Variants in ZSCAN25 observed in about 807,000 individuals in gnomAD.
ZSCAN25 encodes the protein zinc finger and SCAN domain containing 25.
ZSCAN25 carries 27 observed loss-of-function variants against 38.7 expected under a neutral mutation model. That is an observed-to-expected ratio of 0.70 (90% confidence interval 0.51 to 0.96). The LOEUF (loss-of-function observed/expected upper bound fraction) is 0.96, where lower values mean the gene tolerates loss of function less well. ZSCAN25 is among the 40% of genes least tolerant of loss of function. The pLI, the probability that ZSCAN25 is intolerant of heterozygous loss-of-function variation, is 0.00. For synonymous variants in ZSCAN25, 273 were observed against 277.7 expected (o/e 0.98, Z 0.17); for missense variants, 637 against 705.9 (o/e 0.90, Z 1.11).
At chr7:99,653,956 C>T in the ZSCAN25 span, among the ~76,000 whole-genome samples, 2 of 152,182 alleles carry the variant, frequency 1.3e-5, no homozygotes, top group Non-Finnish European at 2.9e-5. The surrounding 1 kb of genome is among the most constrained non-coding windows in gnomAD (Gnocchi z 4.2). Context: ...CAGCCTCCAT[C>T]GCGCCCCCAG....
chr7:99,691,927 T>G, the ZSCAN25 span, among the ~76,000 whole-genome samples: 1 of 152,240 alleles, frequency 6.6e-6, no homozygotes, highest in African/African-American at 2.4e-5. Flanking sequence ...GTGAATTTGA[T>G]CCTGCAATTA....
chr7:99,631,880 A>T lies in ZSCAN25; in HGVS notation c.*1860A>T, dbSNP rs1370412714. 1 of 985,360 alleles carries T rather than the reference A, an allele frequency of 1.0e-6. No individual in the cohort carries two copies. Among genetic ancestry groups the T allele is most frequent in the Non-Finnish European group, 1.2e-6 (1 of 830,006 alleles). The allele number at this position is 985,360 out of a possible 1,614,324, so 61.0% of individuals were successfully genotyped here. ...GCTCCTCTGTAATACTGAGGTCCAC[A>T]TGCAAAATCAGCTTTTTTTCCCCCG... is the stretch of plus-strand genomic sequence containing the variant. On this transcript the variant is annotated 3_prime_UTR_variant, in exon 8 of 8. Coordinates refer to ENST00000394152, the MANE Select transcript of ZSCAN25 (RefSeq NM_145115.3).
chr7:99,689,742 G>C, the ZSCAN25 span, among the ~76,000 whole-genome samples: 1 of 152,126 alleles, frequency 6.6e-6, no homozygotes, highest in South Asian at 2.1e-4. Context: ...CACCTTACAA[G>C]GGATGTGAAG....
the ZSCAN25 span, chr7:99,658,868 T>C: frequency 1.9e-4 from 29 of 152,378 alleles, no homozygotes; most frequent in African/African-American, 5.8e-4. Context: ...TTCCAGTTGA[T>C]TGAATTGGCT....
At chr7:99,721,390 A>C in the ZSCAN25 span, among the ~76,000 whole-genome samples, 1 of 152,180 alleles carries the variant, frequency 6.6e-6, no homozygotes, top group Non-Finnish European at 1.5e-5. Flanking sequence ...GTTAAATCCA[A>C]AGTTGAAATG....
chr7:99,730,287 C>A, the ZSCAN25 span, among the ~76,000 whole-genome samples: 1 of 152,262 alleles, frequency 6.6e-6, no homozygotes, highest in African/African-American at 2.4e-5. Flanking sequence ...TGTGATTCTG[C>A]CTTTGTGTAA....
chr7:99,663,598 T>G, the ZSCAN25 span: 4 of 997,996 alleles, frequency 4.0e-6, no homozygotes, highest in Non-Finnish European at 4.8e-6. Flanking sequence ...GTCTTGGACT[T>G]AAAATGATTC....
chr7:99,645,875 T>C, the ZSCAN25 span, among the ~76,000 whole-genome samples: 999 of 152,326 alleles, frequency 6.6e-3, 18 homozygotes, highest in African/African-American at 0.021. Context: ...GCATTTCTTT[T>C]CCCCAGTCTG....
At chr7:99,643,031 G>A in the ZSCAN25 span, among the ~76,000 whole-genome samples, 1 of 152,122 alleles carries the variant, frequency 6.6e-6, no homozygotes, top group Non-Finnish European at 1.5e-5. Flanking sequence ...TTCCCCATTA[G>A]TGGTCCTTAA....
At chr7:99,648,351 A>G in the ZSCAN25 span, 384 of 1,612,178 alleles carry the variant, frequency 2.4e-4, 1 homozygote, top group East Asian at 8.0e-3. Flanking sequence ...CTTTAGAACA[A>G]TGGGTTTTTC....
the ZSCAN25 span, chr7:99,699,990 C>A: frequency 4.3e-6 from 7 of 1,611,878 alleles, no homozygotes; most frequent in Middle Eastern, 1.7e-4. Flanking sequence ...GGCTGACAGC[C>A]AGGAGAAGCC....
chr7:99,710,569 C>A, the ZSCAN25 span, among the ~76,000 whole-genome samples: 1 of 152,224 alleles, frequency 6.6e-6, no homozygotes, highest in Non-Finnish European at 1.5e-5. Context: ...CAATAGCAAC[C>A]ATTCCCTATG....
chr7:99,665,950 T>C, the ZSCAN25 span, among the ~76,000 whole-genome samples: 3,833 of 152,248 alleles, frequency 0.025, 167 homozygotes, highest in African/African-American at 0.088. Context: ...CTCTCCAACA[T>C]TGATTTGGAG....
the ZSCAN25 span, among the ~76,000 whole-genome samples, chr7:99,690,987 T>G: frequency 2.0e-5 from 3 of 152,208 alleles, no homozygotes; most frequent in Non-Finnish European, 4.4e-5. Context: ...TAAAGACACA[T>G]GCACACTTAT....
chr7:99,631,785 T>A lies in ZSCAN25; in HGVS notation c.*1765T>A. 4.1e-6 allele frequency: 4 copies of A among 985,490 alleles called. No homozygotes were observed. The highest frequency in any genetic ancestry group is 4.8e-6 in the Non-Finnish European group (4 of 829,956). 61.0% of individuals were successfully genotyped at this position (985,490 alleles called of 1,614,324 possible). ...ACGCTCCTTGGTCTTCCTGGCTCAT[T>A]AGCTGTGCCCACGAGGCTGCACTGA... On this transcript the variant is annotated 3_prime_UTR_variant, in exon 8 of 8. Coordinates refer to ENST00000394152, the MANE Select transcript of ZSCAN25 (RefSeq NM_145115.3).
At chr7:99,637,960 G>T in the ZSCAN25 span, among the ~76,000 whole-genome samples, 2 of 152,130 alleles carry the variant, frequency 1.3e-5, no homozygotes, top group African/African-American at 2.4e-5. Flanking sequence ...ACTTTACCAA[G>T]AACTGCTGTA....
chr7:99,640,876 G>A, the ZSCAN25 span, among the ~76,000 whole-genome samples: 2 of 152,208 alleles, frequency 1.3e-5, no homozygotes, highest in Non-Finnish European at 2.9e-5. Context: ...GCCCTGAGAA[G>A]CAGAGCGACT....
the ZSCAN25 span, chr7:99,665,288 A>C: frequency 6.2e-7 from 1 of 1,614,102 alleles, no homozygotes; most frequent in African/African-American, 1.3e-5. Flanking sequence ...GCCAGTAATC[A>C]CATCCATGCT....
the ZSCAN25 span, among the ~76,000 whole-genome samples, chr7:99,642,104 C>T: frequency 1.3e-5 from 2 of 151,900 alleles, no homozygotes; most frequent in East Asian, 3.8e-4. Context: ...GCCCTTTACA[C>T]AACTTTCTCC....
Sources: gnomAD v4.1 joint callset for allele counts (sites outside exome capture counted in the v4.1 genomes callset) on GRCh38, gnomAD v4.1.1 for gene constraint, Gnocchi (gnomAD v3.1) non-coding constraint, MANE v1.5 for transcripts, NCBI Gene and HGNC (gene_info 2026-07-23, HGNC 2026-07-21) for gene names.